Variants in PPP4R1 observed in about 807,000 individuals in gnomAD.
PPP4R1 encodes serine/threonine-protein phosphatase 4 regulatory subunit 1.
Under a neutral mutation model 111.2 loss-of-function variants are expected in PPP4R1, and 42 were observed. The observed-to-expected ratio is 0.38, with a 90% CI of 0.29 to 0.49. PPP4R1 has a LOEUF of 0.49. Among genes scored for constraint, PPP4R1 ranks in the 20% least tolerant of loss-of-function variants. PPP4R1 has a pLI of 0.97. For synonymous variants in PPP4R1, 409 were observed against 405.5 expected (o/e 1.01, Z -0.10); for missense variants, 1,012 against 1,161.6 (o/e 0.87, Z 1.87).
intron 11 of PPP4R1, among the ~76,000 whole-genome samples, chr18:9,569,463 T>C (rs1279597828): frequency 6.6e-6 from 1 of 152,128 alleles, no homozygotes; most frequent in Non-Finnish European, 1.5e-5. Flanking sequence ...CGTGTACTGC[T>C]ATCTTATAAA....
chr18:9,572,116 A>T (rs941445926), intron 10 of PPP4R1, among the ~76,000 whole-genome samples: 3 of 152,224 alleles, frequency 2.0e-5, no homozygotes, highest in African/African-American at 7.2e-5. Context: ...CAAGAAAGCT[A>T]ACAGGTTCAG....
At chr18:9,584,412 T>C (rs1178245249) in intron 8 of PPP4R1, 103 bp downstream of exon 8, 7 of 966,248 alleles carry the variant, frequency 7.2e-6, no homozygotes, top group African/African-American at 5.0e-5. Context: ...TTTATATTCA[T>C]GGAATTGTGT....
At chr18:9,602,820 C>CAAAAAAAAAAAAAAAAA (rs536444961) in intron 2 of PPP4R1, among the ~76,000 whole-genome samples, 24 of 144,514 alleles carry the variant, frequency 1.7e-4, no homozygotes, top group African/African-American at 3.2e-4. Flanking sequence ...GACACTGTCT[C>CAAAAAAAAAAAAAAAAA]AAAAAAAAAG....
At chr18:9,581,168 C>G (rs1411111099) in intron 9 of PPP4R1, among the ~76,000 whole-genome samples, 1 of 138,298 alleles carries the variant, frequency 7.2e-6, no homozygotes, top group Non-Finnish European at 1.6e-5. Context: ...ACAAGGCAGG[C>G]AAAAAAAAAA....
intron 11 of PPP4R1, among the ~76,000 whole-genome samples, chr18:9,565,360 C>A (rs1187581314): frequency 1.3e-5 from 2 of 152,166 alleles, no homozygotes; most frequent in African/African-American, 2.4e-5. Flanking sequence ...TTGGGCCAAT[C>A]AATAACCCAA....
At chr18:9,582,354 C>G (rs573704052) in intron 9 of PPP4R1, among the ~76,000 whole-genome samples, 1 of 152,044 alleles carries the variant, frequency 6.6e-6, no homozygotes, top group South Asian at 2.1e-4. Flanking sequence ...AGAGGCATTA[C>G]TACTGACATT....
intron 13 of PPP4R1, among the ~76,000 whole-genome samples, chr18:9,561,261 TAAA>T (rs1475784594): frequency 2.2e-5 from 3 of 137,274 alleles, no homozygotes; most frequent in East Asian, 2.1e-4. Flanking sequence ...ATAATAATAA[TAAA>T]GTCATAGAAG....
At chr18:9,602,199 C>T (rs1466521915) in intron 2 of PPP4R1, among the ~76,000 whole-genome samples, 1 of 151,916 alleles carries the variant, frequency 6.6e-6, no homozygotes, top group Non-Finnish European at 1.5e-5. Flanking sequence ...CAATTTTTCG[C>T]TTTTTTAAAT....
chr18:9,588,268 A>T (rs2145216748), intron 5 of PPP4R1, 33 bp from the exon 6 acceptor site: 1 of 1,592,758 alleles, frequency 6.3e-7, no homozygotes, highest in South Asian at 1.1e-5. Context: ...AAGAAAGTAC[A>T]TATGCAACAT....
intron 10 of PPP4R1, among the ~76,000 whole-genome samples, chr18:9,572,527 T>A (rs2066877893): frequency 6.6e-6 from 1 of 152,130 alleles, no homozygotes. Flanking sequence ...GAAATAAGGA[T>A]GGCTGAATAT....
chr18:9,567,872 A>G (rs2066794567), intron 11 of PPP4R1, among the ~76,000 whole-genome samples: 1 of 152,182 alleles, frequency 6.6e-6, no homozygotes, highest in Admixed American at 6.5e-5. Context: ...GTCAGCATCC[A>G]CCAACATTGA....
At chr18:9,574,653 A>G (rs2066910524) in intron 10 of PPP4R1, among the ~76,000 whole-genome samples, 2 of 152,228 alleles carry the variant, frequency 1.3e-5, no homozygotes, top group South Asian at 4.1e-4. Flanking sequence ...GAGGAGCTGG[A>G]CGCCACACTG....
rs1000221050 is a variant in PPP4R1, at chr18:9,584,929, G to A, written c.586-101C>T. ...TATAATTTGAGGAAACATAAAATAT[G>A]ATATGGCATCATTATACTATATACA... On this transcript the variant is annotated intron_variant, in intron 6 of 19. Coordinates refer to ENST00000400556, the MANE Select transcript of PPP4R1 (RefSeq NM_001042388.3). The A allele has an allele frequency of 2.2e-5, 21 of 941,936 alleles. No homozygotes were observed. In the African/African-American group the frequency reaches 3.0e-4, roughly 13 times the overall value. The allele number at this position is 941,936 out of a possible 1,614,324, so 58.3% of individuals were successfully genotyped here. A position where few individuals can be genotyped will look rare whatever the true frequency, so the allele number is the denominator to read the frequency against.
Position 9,583,273 on chromosome 18 carries a change from C to T in PPP4R1, c.762G>A (p.Leu254=). ...CAGAACAAAGCTGGAAAAATCTGGG[C>T]AGCTATGTGAAAAGGAAAGAGTCTT... ...VGQQATEEML[L]PRFFQLCSDN... is the part of the protein sequence containing the mutation. Residue 254 remains leucine (L), a splice_region_variant and synonymous_variant, in exon 9 of 20, where the codon CTG becomes CTA. Transcript: ENST00000400556. The T allele has an allele frequency of 6.4e-7, 1 of 1,557,414 alleles. No individual in the cohort carries two copies. Among genetic ancestry groups the T allele is most frequent in the Non-Finnish European group, 8.7e-7 (1 of 1,145,288 alleles).
chr18:9,550,225 A>T, intron 17 of PPP4R1, 39 bp from the exon 18 acceptor site: 2 of 1,614,190 alleles, frequency 1.2e-6, no homozygotes, highest in Middle Eastern at 1.6e-4. Flanking sequence ...AACAGCTTCC[A>T]TTCTAGGATC....
chr18:9,573,385 A>T (rs2066890703), intron 10 of PPP4R1, among the ~76,000 whole-genome samples: 2 of 152,212 alleles, frequency 1.3e-5, no homozygotes, highest in Non-Finnish European at 1.5e-5. Flanking sequence ...TCAGAAAAAA[A>T]GAATAAAGCA....
intron 6 of PPP4R1, among the ~76,000 whole-genome samples, chr18:9,585,951 C>T (rs1354059899): frequency 6.6e-6 from 1 of 152,090 alleles, no homozygotes; most frequent in Non-Finnish European, 1.5e-5. Flanking sequence ...AGATTCAACA[C>T]TATCCCCATG....
intron 9 of PPP4R1, among the ~76,000 whole-genome samples, chr18:9,579,653 T>C (rs896562239): frequency 4.6e-5 from 7 of 152,148 alleles, no homozygotes; most frequent in African/African-American, 9.7e-5. Context: ...ATTGAAAACA[T>C]TGTTAGACCC....
At chr18:9,564,704 G>A (rs1040453370) in intron 11 of PPP4R1, among the ~76,000 whole-genome samples, 1 of 48,806 alleles carries the variant, frequency 2.0e-5, no homozygotes, top group African/African-American at 7.7e-5. Flanking sequence ...CATGGTGTGT[G>A]TGTGTGTGTG....
Sources: allele counts gnomAD v4.1 joint callset (sites outside exome capture counted in the v4.1 genomes callset), GRCh38; gene constraint gnomAD v4.1.1; transcripts MANE v1.5; gene names NCBI Gene and HGNC (gene_info 2026-07-23, HGNC 2026-07-21).